Variants in SNX24 observed in about 807,000 individuals in gnomAD.
The protein encoded by SNX24 is sorting nexin-24.
Under a neutral mutation model 28.7 loss-of-function variants are expected in SNX24, and 22 were observed. The ratio of observed to expected loss-of-function variants is 0.77; its 90% CI spans 0.55 to 1.10. The LOEUF is 1.10. SNX24 is among the 50% of genes least tolerant of loss of function. The probability of loss-of-function intolerance (pLI) is 0.00; values close to 1 mark genes in which losing one functional copy is unlikely to be tolerated. For synonymous variants in SNX24, 69 were observed against 71.5 expected (o/e 0.96, Z 0.18); for missense variants, 221 against 201.1 (o/e 1.10, Z -0.60).
intron 3 of SNX24, among the ~76,000 whole-genome samples, chr5:122,977,860 GA>G (rs1397340944): frequency 3.9e-5 from 6 of 152,266 alleles, no homozygotes; most frequent in Non-Finnish European, 7.4e-5. Context: ...ATATCACAAG[GA>G]AATTACTTCC....
chr5:122,846,640 A>G (rs757034713), intron 1 of SNX24, among the ~76,000 whole-genome samples: 2 of 152,178 alleles, frequency 1.3e-5, no homozygotes, highest in Non-Finnish European at 2.9e-5. Context: ...ATTTGGTGAC[A>G]GTCTGTTTGG....
intron 5 of SNX24, among the ~76,000 whole-genome samples, chr5:123,025,481 T>G (rs1762837828): frequency 6.6e-6 from 1 of 152,220 alleles, no homozygotes; most frequent in Non-Finnish European, 1.5e-5. Context: ...TGAATAATAT[T>G]CCATTGTGTG....
At chr5:122,923,590 C>T (rs1758541028) in intron 1 of SNX24, among the ~76,000 whole-genome samples, 1 of 152,172 alleles carries the variant, frequency 6.6e-6, no homozygotes, top group Admixed American at 6.5e-5. Context: ...CGTTCTTTCA[C>T]GGACACAGAG....
chr5:122,937,269 A>C (rs1759219536), intron 2 of SNX24, among the ~76,000 whole-genome samples: 1 of 152,246 alleles, frequency 6.6e-6, no homozygotes, highest in Non-Finnish European at 1.5e-5. Context: ...TAACATATAC[A>C]TGTACTTGTA....
intron 3 of SNX24, among the ~76,000 whole-genome samples, chr5:122,952,750 G>T (rs748916814): frequency 2.0e-5 from 3 of 152,184 alleles, no homozygotes; most frequent in African/African-American, 7.2e-5. Context: ...ACATCCTTAA[G>T]ATTACAATAG....
intron 3 of SNX24, among the ~76,000 whole-genome samples, chr5:122,971,736 A>C (rs1311293215): frequency 6.6e-6 from 1 of 152,274 alleles, no homozygotes; most frequent in Non-Finnish European, 1.5e-5. Flanking sequence ...GTTCTGTTAA[A>C]AATAAGGAGG....
intron 1 of SNX24, among the ~76,000 whole-genome samples, chr5:122,862,111 G>A (rs537567610): frequency 3.3e-5 from 5 of 152,274 alleles, no homozygotes; most frequent in Admixed American, 3.3e-4. Context: ...TAGGCTCAGG[G>A]AATTGTATGG....
intron 3 of SNX24, among the ~76,000 whole-genome samples, chr5:122,956,281 C>T (rs1161208973): frequency 2.0e-5 from 3 of 151,770 alleles, no homozygotes; most frequent in African/African-American, 7.3e-5. Context: ...ATTTGGAACA[C>T]AGTCTCTGCA....
At chr5:122,857,157 G>A (rs1023421996) in intron 1 of SNX24, among the ~76,000 whole-genome samples, 1 of 151,876 alleles carries the variant, frequency 6.6e-6, no homozygotes, top group Non-Finnish European at 1.5e-5. Flanking sequence ...GATTACAGGT[G>A]CACACCACCA....
intron 1 of SNX24, among the ~76,000 whole-genome samples, chr5:122,904,910 G>C (rs549021852): frequency 6.6e-6 from 1 of 152,274 alleles, no homozygotes; most frequent in African/African-American, 2.4e-5. Flanking sequence ...TGTTTGGAGC[G>C]GCCGTCTCGT....
At chr5:122,864,787 G>A (rs1171979593) in intron 1 of SNX24, among the ~76,000 whole-genome samples, 2 of 152,232 alleles carry the variant, frequency 1.3e-5, no homozygotes, top group African/African-American at 4.8e-5. Context: ...GCAGAATCTT[G>A]CAGCCTCCAG....
At chr5:122,845,813 C>T (rs1297584855) in intron 1 of SNX24, 120 bp downstream of exon 1, 36 of 487,842 alleles carry the variant, frequency 7.4e-5, no homozygotes, top group Non-Finnish European at 8.4e-5. Flanking sequence ...TCTCTCCCCT[C>T]CCCCGGCCCA....
intron 5 of SNX24, chr5:123,022,330 C>G (rs1342752481): frequency 6.6e-6 from 1 of 152,200 alleles, no homozygotes; most frequent in African/African-American, 2.4e-5. Flanking sequence ...GAGATGGATC[C>G]TCACTGCTTG....
intron 1 of SNX24, among the ~76,000 whole-genome samples, chr5:122,896,982 A>T (rs1757230892): frequency 6.6e-6 from 1 of 152,260 alleles, no homozygotes; most frequent in South Asian, 2.1e-4. Flanking sequence ...TGTGTGTGTC[A>T]GTCTCACGGT....
chr5:122,954,880 C>T (rs1760137686), intron 3 of SNX24, among the ~76,000 whole-genome samples: 1 of 151,888 alleles, frequency 6.6e-6, no homozygotes, highest in Non-Finnish European at 1.5e-5. Flanking sequence ...TTGAATTATC[C>T]TGGTTTCTTG....
At chr5:122,900,368 T>TG (rs1438378672) in intron 1 of SNX24, among the ~76,000 whole-genome samples, 1 of 151,870 alleles carries the variant, frequency 6.6e-6, no homozygotes, top group African/African-American at 2.4e-5. Flanking sequence ...TATTAAAACG[T>TG]TTTTTTTAAA....
At chr5:123,009,218 T>A, downstream of SNX24, 1 of 984,908 alleles carries the variant, frequency 1.0e-6, no homozygotes, top group South Asian at 4.7e-5. Context: ...TTTGAGTTTG[T>A]CTTCTCCTAA....
intron 1 of SNX24, among the ~76,000 whole-genome samples, chr5:122,873,250 C>G (rs1286645179): frequency 1.3e-5 from 2 of 152,118 alleles, no homozygotes; most frequent in East Asian, 3.9e-4. Context: ...GCTGGGATTT[C>G]CGGCATGAGA....
chr5:122,914,813 G>T (rs1274275439), intron 1 of SNX24, among the ~76,000 whole-genome samples: 2 of 152,036 alleles, frequency 1.3e-5, no homozygotes, highest in African/African-American at 4.8e-5. Flanking sequence ...CTTGCTAGCG[G>T]TCTATCAATT....
Sources: gnomAD v4.1 joint callset for allele counts (sites outside exome capture counted in the v4.1 genomes callset) on GRCh38, gnomAD v4.1.1 for gene constraint, MANE v1.5 for transcripts, NCBI Gene and HGNC (gene_info 2026-07-23, HGNC 2026-07-21) for gene names.